CCSER1: variants seen among roughly 807,000 people sequenced by gnomAD.
CCSER1 encodes the protein coiled-coil serine rich protein 1.
Under a neutral mutation model 82.0 loss-of-function variants are expected in CCSER1, and 41 were observed. That is an observed-to-expected ratio of 0.50 (90% CI 0.39 to 0.65). The LOEUF is 0.65. Ranked by LOEUF, CCSER1 falls within the 30% of genes least tolerant of loss-of-function variation. CCSER1 has a pLI of 0.00. For missense variants in CCSER1, 1,119 were observed against 1,064.2 expected (o/e 1.05, Z -0.72); for synonymous variants, 414 against 383.9 (o/e 1.08, Z -0.92).
chr4:90,936,677 C>A (rs1730973022), intron 9 of CCSER1, among the ~76,000 whole-genome samples: 1 of 151,874 alleles, frequency 6.6e-6, no homozygotes, highest in African/African-American at 2.4e-5. Flanking sequence ...TGTTGGGAAC[C>A]TTAAAATACA....
chr4:90,983,847 C>G (rs926496914), intron 9 of CCSER1, among the ~76,000 whole-genome samples: 1 of 151,660 alleles, frequency 6.6e-6, no homozygotes, highest in Non-Finnish European at 1.5e-5. Flanking sequence ...ATCTATTATA[C>G]TCATTTGCCT....
At chr4:90,771,837 C>A (rs1657764014) in intron 7 of CCSER1, among the ~76,000 whole-genome samples, 1 of 152,010 alleles carries the variant, frequency 6.6e-6, no homozygotes, top group South Asian at 2.1e-4. Flanking sequence ...TACTATTTCT[C>A]CAATATTTTG....
At chr4:91,007,643 CT>C (rs1424283229) in intron 9 of CCSER1, among the ~76,000 whole-genome samples, 1 of 147,678 alleles carries the variant, frequency 6.8e-6, no homozygotes, top group Non-Finnish European at 1.5e-5. Flanking sequence ...TTCCTAGTTA[CT>C]CTGGCTAAAC....
intron 8 of CCSER1, among the ~76,000 whole-genome samples, chr4:90,838,165 A>G (rs1762050440): frequency 6.6e-6 from 1 of 151,974 alleles, no homozygotes; most frequent in East Asian, 1.9e-4. Flanking sequence ...ATAAATCTAT[A>G]TAAGAAAATA....
At chr4:90,228,620 A>G (rs1340697848) in intron 1 of CCSER1, among the ~76,000 whole-genome samples, 1 of 152,174 alleles carries the variant, frequency 6.6e-6, no homozygotes, top group Non-Finnish European at 1.5e-5. Flanking sequence ...AGCTGGACGG[A>G]GAATGACTTT....
intron 5 of CCSER1, among the ~76,000 whole-genome samples, chr4:90,485,987 A>T (rs1236991355): frequency 6.6e-6 from 1 of 152,190 alleles, no homozygotes; most frequent in Non-Finnish European, 1.5e-5. Flanking sequence ...GGACTCTGTC[A>T]TGTGGTCTAC....
chr4:91,459,278 A>G (rs1756369530), intron 10 of CCSER1, among the ~76,000 whole-genome samples: 1 of 152,112 alleles, frequency 6.6e-6, no homozygotes, highest in African/African-American at 2.4e-5. Context: ...ATAGAGCATA[A>G]TTATTATTGA....
intron 3 of CCSER1, among the ~76,000 whole-genome samples, chr4:90,341,198 T>A (rs1741316013): frequency 6.6e-6 from 1 of 152,122 alleles, no homozygotes; most frequent in South Asian, 2.1e-4. Flanking sequence ...AGATAAATTT[T>A]TAACAGAATA....
intron 6 of CCSER1, among the ~76,000 whole-genome samples, chr4:90,700,993 T>C (rs1737981646): frequency 6.6e-6 from 1 of 152,134 alleles, no homozygotes; most frequent in Non-Finnish European, 1.5e-5. Context: ...TTTAGTTAGA[T>C]CCCATTTGTC....
At chr4:91,251,257 G>A (rs1740236742) in intron 10 of CCSER1, among the ~76,000 whole-genome samples, 2 of 152,144 alleles carry the variant, frequency 1.3e-5, no homozygotes, top group Non-Finnish European at 2.9e-5. Context: ...CTCCTGGCTT[G>A]TTGATTGCCA....
chr4:90,601,292 T>C (rs894123644), intron 5 of CCSER1, among the ~76,000 whole-genome samples: 1 of 152,060 alleles, frequency 6.6e-6, no homozygotes, highest in Non-Finnish European at 1.5e-5. Flanking sequence ...TCTGTGTATG[T>C]ATGTGTGTGT....
intron 10 of CCSER1, among the ~76,000 whole-genome samples, chr4:91,122,353 AG>A (rs1330114093): frequency 6.6e-6 from 1 of 151,776 alleles, no homozygotes; most frequent in East Asian, 1.9e-4. Context: ...TGAGCTTAAT[AG>A]TCAATAATTC....
At position 90,308,609 on chromosome 4, in the gene CCSER1, A is replaced by AG; in HGVS notation, c.325_326insG (p.Ile109SerfsTer2). ...GCAGAAACTGAGTTTGGAAGAACAT[A>AG]TTAAGACCAGGGGAAGACATTCTGT... On this transcript the variant is annotated frameshift_variant, in exon 2 of 11. Coordinates refer to ENST00000509176, the MANE Select transcript of CCSER1 (RefSeq NM_001145065.2). LOFTEE classifies it high-confidence loss of function. 1 of 1,613,930 alleles carries AG rather than the reference A, an allele frequency of 6.2e-7. No homozygotes were observed. The highest frequency in any genetic ancestry group is 8.5e-7 in the Non-Finnish European group (1 of 1,179,870).
chr4:91,559,705 T>G (rs1195904739), intron 10 of CCSER1, among the ~76,000 whole-genome samples: 1 of 151,588 alleles, frequency 6.6e-6, no homozygotes, highest in Non-Finnish European at 1.5e-5. Context: ...AAATAATAAT[T>G]TCCAATTACA....
Position 90,745,853 on chromosome 4 carries a change from C to A in CCSER1, c.2010+21862C>A, listed in dbSNP as rs549927444. On this transcript the variant is annotated intron_variant, in intron 7 of 10. Coordinates refer to ENST00000509176, the MANE Select transcript of CCSER1 (RefSeq NM_001145065.2). ...TACAGGCGCCCGCCACCACACCCAGCTAAATTTTTTTTAATTTTTTTTTTC... is the reference window on the plus strand; with the variant it reads ...TACAGGCGCCCGCCACCACACCCAGATAAATTTTTTTTAATTTTTTTTTTC... Among the ~76,000 whole-genome samples the A allele has an allele frequency of 2.0e-5, 3 of 146,556 alleles. No individual in the cohort carries two copies. The East Asian group carries it at 5.9e-4, about 29-fold the overall frequency.
intron 1 of CCSER1, among the ~76,000 whole-genome samples, chr4:90,291,921 A>G (rs1490964415): frequency 6.6e-6 from 1 of 151,984 alleles, no homozygotes; most frequent in East Asian, 1.9e-4. Context: ...TTATGTAAAT[A>G]TGTTAATTAT....
chr4:90,236,238 A>G (rs1357862652), intron 1 of CCSER1, among the ~76,000 whole-genome samples: 1 of 152,168 alleles, frequency 6.6e-6, no homozygotes, highest in Non-Finnish European at 1.5e-5. Context: ...TAAAATAAAG[A>G]ATTTTTAACT....
At chr4:90,479,997 T>C (rs1045887687) in intron 5 of CCSER1, among the ~76,000 whole-genome samples, 28 of 152,280 alleles carry the variant, frequency 1.8e-4, no homozygotes, top group African/African-American at 6.5e-4. Context: ...CCACCAACAG[T>C]GTCAAAGTGT....
intron 5 of CCSER1, among the ~76,000 whole-genome samples, chr4:90,566,057 C>T (rs1779340790): frequency 6.7e-6 from 1 of 149,676 alleles, no homozygotes; most frequent in South Asian, 2.1e-4. Context: ...TTTAGTGGAC[C>T]ATGTTAGTCA....
Sources: gnomAD v4.1 joint callset for allele counts (sites outside exome capture counted in the v4.1 genomes callset) on GRCh38, gnomAD v4.1.1 for gene constraint, MANE v1.5 for transcripts, NCBI Gene and HGNC (gene_info 2026-07-23, HGNC 2026-07-21) for gene names.